The following EGFR variants were observed in gnomAD, a reference collection of about 807,000 sequenced individuals.
EGFR encodes avian erythroblastic leukemia viral (v-erb-b) oncogene homolog.
A neutral mutation model predicts 143.0 loss-of-function variants in EGFR; 58 were observed. The ratio of observed to expected loss-of-function variants is 0.41; its 90% confidence interval spans 0.33 to 0.50. The LOEUF is 0.50. Ranked by LOEUF, EGFR falls within the 20% of genes least tolerant of loss-of-function variation. The pLI, the probability that EGFR is intolerant of heterozygous loss-of-function variation, is 0.39. For synonymous variants in EGFR, 613 were observed against 594.4 expected, an observed-to-expected ratio of 1.03 and a Z score of -0.45; for missense variants, 1,307 against 1,579.0, an observed-to-expected ratio of 0.83 and a Z score of 2.92.
chr7:55,151,558 G>A (rs1785151796), intron 5 of EGFR, among the ~76,000 whole-genome samples, 196 bp downstream of exon 5: 1 of 152,228 alleles, frequency 6.6e-6, no homozygotes, highest in Non-Finnish European at 1.5e-5. Flanking sequence ...TATTTTGGGA[G>A]CTTCAGCCTA....
At chr7:55,068,343 A>C (rs544220506) in intron 1 of EGFR, among the ~76,000 whole-genome samples, 21 of 152,362 alleles carry the variant, frequency 1.4e-4, no homozygotes, top group Non-Finnish European at 2.8e-4. Context: ...AGGAGATTTT[A>C]AAATGTCAGT....
chr7:55,021,673 A>T (rs184733979), intron 1 of EGFR, among the ~76,000 whole-genome samples: 191 of 152,280 alleles, frequency 1.3e-3, no homozygotes, highest in African/African-American at 4.5e-3. Flanking sequence ...AATTCAGTGG[A>T]TTTTATTCAA....
chr7:55,161,450 C>A (rs112323478), intron 12 of EGFR, 49 bp from the exon 13 acceptor site: 41 of 1,591,716 alleles, frequency 2.6e-5, no homozygotes, highest in Non-Finnish European at 3.2e-5. Flanking sequence ...TCCGGCCCCT[C>A]GGGTCCCTGC....
intron 1 of EGFR, among the ~76,000 whole-genome samples, chr7:55,099,966 A>C (rs1791705863): frequency 6.6e-6 from 1 of 152,230 alleles, no homozygotes; most frequent in Non-Finnish European, 1.5e-5. Flanking sequence ...AGATAATACA[A>C]GGGGGGCTGC....
At chr7:55,115,068 A>C (rs1792754309) in intron 1 of EGFR, among the ~76,000 whole-genome samples, 1 of 151,984 alleles carries the variant, frequency 6.6e-6, no homozygotes, top group Non-Finnish European at 1.5e-5. Flanking sequence ...TTTTTAGTAG[A>C]GACGGGGTTT....
At chr7:55,162,984 G>A (rs1045361162) in intron 13 of EGFR, among the ~76,000 whole-genome samples, 26 of 152,166 alleles carry the variant, frequency 1.7e-4, no homozygotes, top group African/African-American at 6.3e-4. Flanking sequence ...TAGAGACGGG[G>A]TTTCACCACG....
chr7:55,174,713 C>G lies in EGFR; in HGVS notation c.2185-9C>G, dbSNP rs1786513234. 1.2e-6 allele frequency: 2 copies of G among 1,609,832 alleles called. No individual in the cohort carries two copies. Among genetic ancestry groups the G allele is most frequent in the Non-Finnish European group, 1.7e-6 (2 of 1,176,212 alleles). ...GCCAGTTAACGTCTTCCTTCTCTCT[C>G]TGTCATAGGGACTCTGGATCCCAGA... On this transcript the variant is annotated splice_polypyrimidine_tract_variant and intron_variant, in intron 18 of 27. Transcript: ENST00000275493.
intron 1 of EGFR, among the ~76,000 whole-genome samples, chr7:55,137,811 C>T (rs1584132071): frequency 2.0e-5 from 3 of 152,148 alleles, no homozygotes; most frequent in Non-Finnish European, 4.4e-5. Flanking sequence ...ACAGCAGTTG[C>T]CTCTGGTGTA....
chr7:55,068,321 G>A (rs1351354265), intron 1 of EGFR, among the ~76,000 whole-genome samples: 1 of 152,134 alleles, frequency 6.6e-6, no homozygotes, highest in East Asian at 1.9e-4. Context: ...TCTGAAAATA[G>A]AGAATACAAA....
Position 55,173,415 on chromosome 7 carries a change from G to C in EGFR, c.2061+291G>C, listed in dbSNP as rs17290329. ...AGGAGGGAGGCCAGGAAGCCTGGCT[G>C]TTGATCCCATGCTGGCACTGTGGCG... is the stretch of plus-strand genomic sequence containing the variant. On this transcript the variant is annotated intron_variant, in intron 17 of 27. Transcript: ENST00000275493. 0.049 allele frequency among the ~76,000 whole-genome samples: 7,467 copies of C among 152,332 alleles called. 206 individuals are homozygous for C. Among genetic ancestry groups the C allele is most frequent in the Middle Eastern group, 0.11 (32 of 294 alleles).
At chr7:55,120,196 CAGGATG>C (rs1793115652) in intron 1 of EGFR, among the ~76,000 whole-genome samples, 1 of 152,194 alleles carries the variant, frequency 6.6e-6, no homozygotes, top group African/African-American at 2.4e-5. Context: ...GGACTGCAGA[CAGGATG>C]ACCAAGAGCA....
intron 1 of EGFR, among the ~76,000 whole-genome samples, chr7:55,116,209 G>A (rs538884111): frequency 2.0e-5 from 3 of 152,328 alleles, no homozygotes; most frequent in Admixed American, 6.5e-5. Flanking sequence ...TGTGCAAGTA[G>A]ATCCCCTGAC....
chr7:55,205,572 A>ATACCT lies in EGFR; in HGVS notation c.3589_3593dup (p.Arg1199ThrfsTer2). 6.2e-7 allele frequency: 1 copy of ATACCT among 1,614,212 alleles called. No homozygotes were observed. Among genetic ancestry groups the ATACCT allele is most frequent in the Non-Finnish European group, 8.5e-7 (1 of 1,180,036 alleles). On this transcript the variant is annotated frameshift_variant, in exon 28 of 28. Transcript: ENST00000275493. LOFTEE classifies it high-confidence loss of function. ...AGGGCTCCACAGCTGAAAATGCAGA[A>ATACCT]TACCTAAGGGTCGCGCCACAAAGCA...
chr7:55,129,572 G>T (rs1437607288), intron 1 of EGFR, among the ~76,000 whole-genome samples: 1 of 152,172 alleles, frequency 6.6e-6, no homozygotes, highest in East Asian at 1.9e-4. Flanking sequence ...CCCTGGGTGG[G>T]AGTGGTGAGG....
chr7:55,129,405 A>G (rs1793706406), intron 1 of EGFR, among the ~76,000 whole-genome samples: 1 of 152,272 alleles, frequency 6.6e-6, no homozygotes, highest in Non-Finnish European at 1.5e-5. Context: ...TAAGTCAAAC[A>G]AAATTATCAA....
In EGFR at chr7:55,206,192, T is replaced by C. The variant is rs905247850; in HGVS notation, c.*575T>C. On this transcript the variant is annotated 3_prime_UTR_variant, in exon 28 of 28. Transcript: ENST00000275493. ...GCCGGATCGGTACTGTATCAAGTCA[T>C]GGCAGGTACAGTAGGATAAGCCACT... 2.0e-5 allele frequency: 5 copies of C among 250,198 alleles called. No homozygotes were observed. The highest frequency in any genetic ancestry group is 1.1e-4 in the African/African-American group (5 of 45,392). The allele number at this position is 250,198 out of a possible 1,614,324, so 15.5% of individuals were successfully genotyped here.
chr7:55,099,807 T>C (rs1243238493), intron 1 of EGFR, among the ~76,000 whole-genome samples: 1 of 151,580 alleles, frequency 6.6e-6, no homozygotes, highest in Non-Finnish European at 1.5e-5. Flanking sequence ...TGCCAACCTC[T>C]GTGAACAGAT....
chr7:55,203,876 A>G (rs552858102), intron 27 of EGFR, among the ~76,000 whole-genome samples: 3 of 151,572 alleles, frequency 2.0e-5, no homozygotes, highest in Non-Finnish European at 2.9e-5. Flanking sequence ...TAATATCTAT[A>G]TATCTAATAT....
At chr7:55,058,266 C>A (rs1055248706) in intron 1 of EGFR, among the ~76,000 whole-genome samples, 1 of 152,168 alleles carries the variant, frequency 6.6e-6, no homozygotes, top group Non-Finnish European at 1.5e-5. Flanking sequence ...CGGTGGCAGG[C>A]ACCTGTAATC....
Sources: allele counts gnomAD v4.1 joint callset (sites outside exome capture counted in the v4.1 genomes callset), GRCh38; gene constraint gnomAD v4.1.1; transcripts MANE v1.5; gene names NCBI Gene and HGNC (gene_info 2026-07-23, HGNC 2026-07-21).